Variants in CEP192 observed in about 807,000 individuals in gnomAD.
CEP192 encodes the protein centrosomal protein of 192 kDa.
Under a neutral mutation model 271.8 loss-of-function variants are expected in CEP192, and 151 were observed. That is an observed-to-expected ratio of 0.56 (90% CI 0.49 to 0.64). The LOEUF is 0.64. CEP192 is among the 30% of genes least tolerant of loss of function. CEP192 has a pLI of 0.00. For missense variants in CEP192, 2,910 were observed against 3,020.5 expected, an observed-to-expected ratio of 0.96 and a Z score of 0.86; for synonymous variants, 995 against 1,076.5, an observed-to-expected ratio of 0.92 and a Z score of 1.48.
chr18:13,028,908 G>A (rs1044036349), intron 9 of CEP192, among the ~76,000 whole-genome samples: 3 of 152,116 alleles, frequency 2.0e-5, no homozygotes, highest in Non-Finnish European at 2.9e-5. Context: ...TTTCTTATTC[G>A]AAAGTTATCA....
chr18:13,069,658 G>A (rs917944978), intron 26 of CEP192, 80 bp from the exon 27 acceptor site: 9 of 766,538 alleles, frequency 1.2e-5, no homozygotes, highest in Admixed American at 8.1e-5. Flanking sequence ...AATGAGAAAC[G>A]CACGTAAGGC....
At chr18:13,081,989 T>G (rs2038634992) in intron 30 of CEP192, among the ~76,000 whole-genome samples, 2 of 152,226 alleles carry the variant, frequency 1.3e-5, no homozygotes, top group South Asian at 4.1e-4. Flanking sequence ...GTGATTTCTG[T>G]TCTTTTACAT....
intron 30 of CEP192, among the ~76,000 whole-genome samples, chr18:13,081,844 G>A (rs1426223075): frequency 6.6e-6 from 1 of 152,188 alleles, no homozygotes; most frequent in East Asian, 1.9e-4. Context: ...CTTTATTTCT[G>A]CCTTCATTTT....
intron 44 of CEP192, among the ~76,000 whole-genome samples, chr18:13,119,313 TCAC>T (rs1297462632): frequency 1.3e-5 from 2 of 152,234 alleles, no homozygotes; most frequent in Non-Finnish European, 2.9e-5. Context: ...TCCCACATCT[TCAC>T]CAGCTTTTTG....
Position 13,114,133 on chromosome 18 carries a change from A to G in CEP192, c.7171A>G (p.Ile2391Val). 1 of 1,613,396 alleles carries G rather than the reference A, an allele frequency of 6.2e-7. No homozygotes were observed. Among genetic ancestry groups the G allele is most frequent in the Non-Finnish European group, 8.5e-7 (1 of 1,179,818 alleles). Residue 2391 changes from isoleucine to valine, a missense_variant, in exon 42 of 45, where the codon ATC (isoleucine) becomes GTC (valine). Coordinates refer to ENST00000506447, the MANE Select transcript of CEP192 (RefSeq NM_032142.4). ...ACCCTGTGATTTTTCTGTATAGAGC[A>G]TCGAAGCAGAAAATGAGCCTGAAAA... Reference protein sequence around the residue: ...TLRFQLSGQSIEAENEPENAC... With the variant: ...TLRFQLSGQSVEAENEPENAC...
intron 32 of CEP192, 55 bp from the exon 33 acceptor site, chr18:13,089,401 G>A: frequency 3.6e-6 from 3 of 840,502 alleles, no homozygotes; most frequent in South Asian, 3.8e-5. Flanking sequence ...TCTAATTAAA[G>A]TTATTTTATA....
At chr18:13,059,931 A>G (rs1483388155) in intron 21 of CEP192, among the ~76,000 whole-genome samples, 2 of 152,196 alleles carry the variant, frequency 1.3e-5, no homozygotes, top group Non-Finnish European at 2.9e-5. Flanking sequence ...GTTAACAACC[A>G]CTGCTTTACA....
At chr18:13,082,094 G>A (rs2038640760) in intron 30 of CEP192, among the ~76,000 whole-genome samples, 1 of 152,202 alleles carries the variant, frequency 6.6e-6, no homozygotes, top group Non-Finnish European at 1.5e-5. Flanking sequence ...GATTTGGGGT[G>A]GAGAGTTCTG....
intron 8 of CEP192, among the ~76,000 whole-genome samples, 155 bp from the exon 9 acceptor site, chr18:13,018,927 G>A (rs1366853971): frequency 1.3e-5 from 2 of 152,136 alleles, no homozygotes; most frequent in African/African-American, 4.8e-5. Context: ...GCCTCTTACT[G>A]TTGCTTATTT....
At chr18:13,028,694 A>AT (rs2035447047) in intron 9 of CEP192, among the ~76,000 whole-genome samples, 2 of 151,810 alleles carry the variant, frequency 1.3e-5, no homozygotes, top group Admixed American at 1.3e-4. Context: ...TAATTTTTGT[A>AT]TTTTTAGTAG....
rs375156347 is a variant in CEP192 at position 13,057,694 on chromosome 18, C to G, written c.4218C>G (p.Val1406=). The part of the protein sequence containing the change: ...VLNPTDRWLQ[V]SIGVLSISVN... ...ATCCAACTGACCGCTGGCTGCAAGT[C>G]AGCATTGGGGTCCTCAGCATTAGTG... The change falls in exon 20 of 45, where the codon GTC becomes GTG. Residue 1406 remains valine, a synonymous_variant. Transcript: ENST00000506447. The G allele has an allele frequency of 7.4e-5, 120 of 1,613,978 alleles. No individual in the cohort carries two copies. Among genetic ancestry groups the G allele is most frequent in the Middle Eastern group, 4.9e-4 (3 of 6,066 alleles).
chr18:13,082,348 T>G (rs2038657695), intron 30 of CEP192, among the ~76,000 whole-genome samples: 1 of 152,072 alleles, frequency 6.6e-6, no homozygotes, highest in Non-Finnish European at 1.5e-5. Context: ...TGATCTCTTA[T>G]GATTATATGA....
At chr18:13,015,119 A>G (rs922110717) in intron 5 of CEP192, among the ~76,000 whole-genome samples, 12 of 152,248 alleles carry the variant, frequency 7.9e-5, no homozygotes, top group African/African-American at 2.6e-4. Context: ...AGGATGTTCT[A>G]TTGGGCAGGT....
In CEP192 at chr18:13,049,990, C is replaced by T. The variant is rs561393154; in HGVS notation, c.3017+99C>T. On this transcript the variant is annotated intron_variant, in intron 17 of 44. Transcript: ENST00000506447. Reference sequence around the variant, plus strand: ...GAAGAAAAATTATCTGTGCATTCGTCTCTCAAAGGTAACTCTTGTAAGCTG... The same window carrying T: ...GAAGAAAAATTATCTGTGCATTCGTTTCTCAAAGGTAACTCTTGTAAGCTG... 2.7e-4 allele frequency: 264 copies of T among 978,782 alleles called. 1 individual carries two copies. Among genetic ancestry groups the T allele is most frequent in the Middle Eastern group, 5.3e-4 (2 of 3,754 alleles). The allele number at this position is 978,782 out of a possible 1,614,324, so 60.6% of individuals were successfully genotyped here.
chr18:13,022,180 A>G (rs1285465243), intron 9 of CEP192, among the ~76,000 whole-genome samples: 1 of 151,510 alleles, frequency 6.6e-6, no homozygotes, highest in East Asian at 1.9e-4. Flanking sequence ...TAGTTTGACT[A>G]TATTTATGTG....
At chr18:13,016,229 G>A (rs2034639012) in intron 6 of CEP192, among the ~76,000 whole-genome samples, 1 of 152,126 alleles carries the variant, frequency 6.6e-6, no homozygotes, top group Non-Finnish European at 1.5e-5. Context: ...AAAAAGGATG[G>A]AGCCTGTGCC....
chr18:13,070,156 C>CA lies in CEP192; in HGVS notation c.5174+312dup, dbSNP rs74312508. Reference sequence around the variant, plus strand: ...AGGCTGGGCGACAGAGAGTCCGTCTCAAAAAAAAAAAAGTTTTAATGACAA... The same window carrying CA: ...AGGCTGGGCGACAGAGAGTCCGTCTCAAAAAAAAAAAAAGTTTTAATGACAA... On this transcript the variant is annotated intron_variant, in intron 27 of 44. Coordinates refer to ENST00000506447, the MANE Select transcript of CEP192 (RefSeq NM_032142.4). 2.5e-3 allele frequency among the ~76,000 whole-genome samples: 356 copies of CA among 141,888 alleles called. 7 individuals carry two copies. The East Asian group carries it at 0.036, about 14-fold the overall frequency. 93.1% of individuals were successfully genotyped at this position (141,888 alleles called of 152,430 possible).
At chr18:13,102,119 C>T (rs1017360381) in intron 38 of CEP192, among the ~76,000 whole-genome samples, 1 of 152,162 alleles carries the variant, frequency 6.6e-6, no homozygotes, top group African/African-American at 2.4e-5. Context: ...CTGTGTGTGT[C>T]CTGCAGCTCC....
intron 18 of CEP192, among the ~76,000 whole-genome samples, chr18:13,055,541 G>A (rs752622617): frequency 2.6e-5 from 4 of 152,282 alleles, no homozygotes; most frequent in African/African-American, 9.6e-5. Flanking sequence ...TATTCTTAGT[G>A]TATACCTCCT....
Sources: allele counts gnomAD v4.1 joint callset (sites outside exome capture counted in the v4.1 genomes callset), GRCh38; gene constraint gnomAD v4.1.1; transcripts MANE v1.5; gene names NCBI Gene and HGNC (gene_info 2026-07-23, HGNC 2026-07-21).